TRIM44: variants seen among roughly 807,000 people sequenced by gnomAD.
The protein encoded by TRIM44 is tripartite motif containing 44, also known as tripartite motif-containing protein 44.
Under a neutral mutation model 37.4 loss-of-function variants are expected in TRIM44, and 13 were observed. That is an observed-to-expected ratio of 0.35 (90% confidence interval 0.23 to 0.55). The LOEUF is 0.55. Ranked by LOEUF, TRIM44 falls within the 20% of genes least tolerant of loss-of-function variation. TRIM44 has a pLI of 0.89. For missense variants in TRIM44, 426 were observed against 437.2 expected (o/e 0.97, Z 0.23); for synonymous variants, 175 against 157.2 (o/e 1.11, Z -0.85).
intron 4 of TRIM44, among the ~76,000 whole-genome samples, chr11:35,806,043 A>G (rs975353374): frequency 2.6e-5 from 4 of 152,194 alleles, no homozygotes; most frequent in Non-Finnish European, 5.9e-5. Context: ...TAAAAGAATT[A>G]TGACTCTCAC....
rs1324012176 is a variant in TRIM44 at position 35,807,937 on chromosome 11, T to TTTCC, written c.*1554_*1557dup. The stretch of plus-strand genomic sequence containing the variant: ...GGAGCCTGCACTGGGGGAAATCCCT[T>TTTCC]TTCCTGCCTGCCTGTCTGCCTGTGA... On this transcript the variant is annotated 3_prime_UTR_variant, in exon 5 of 5. Transcript: ENST00000299413. 14 of 152,196 alleles carry TTTCC rather than the reference T, an allele frequency of 9.2e-5. No individual in the cohort carries two copies. The highest frequency in any genetic ancestry group is 3.9e-4 in the Admixed American group (6 of 15,276). 9.4% of individuals were successfully genotyped at this position (152,196 alleles called of 1,614,324 possible).
chr11:35,663,976 C>A (rs766020792), intron 1 of TRIM44, among the ~76,000 whole-genome samples, 196 bp downstream of exon 1: 1 of 152,014 alleles, frequency 6.6e-6, no homozygotes, highest in Non-Finnish European at 1.5e-5. Context: ...GGACTCTGAC[C>A]TGAGAAAATA....
chr11:35,682,594 C>T (rs944457803), intron 1 of TRIM44, among the ~76,000 whole-genome samples: 2 of 152,152 alleles, frequency 1.3e-5, no homozygotes, highest in Non-Finnish European at 2.9e-5. Context: ...CATCATAGAG[C>T]CCAGTTAATC....
chr11:35,663,723 T>A lies in TRIM44; in HGVS notation c.612T>A (p.Ile204=), dbSNP rs756646898. Reference sequence around the variant, plus strand: ...TCATCTGTGTCCTGTGTCCAGTCATTGGGGCTCACCAGGGCCACCAACTCT... The same window carrying A: ...TCATCTGTGTCCTGTGTCCAGTCATAGGGGCTCACCAGGGCCACCAACTCT... ...RQLICVLCPV[I]GAHQGHQLST... Residue 204 remains isoleucine, a synonymous_variant, in exon 1 of 5, where the codon ATT becomes ATA. Coordinates refer to ENST00000299413, the MANE Select transcript of TRIM44 (RefSeq NM_017583.6). 1.2e-6 allele frequency: 2 copies of A among 1,613,998 alleles called. No homozygotes were observed. The highest frequency in any genetic ancestry group is 2.2e-5 in the East Asian group (1 of 44,874).
rs1277990270 is a variant in TRIM44, at chr11:35,809,513, T to G, written c.*3128T>G. 9 of 152,186 alleles carry G rather than the reference T, an allele frequency of 5.9e-5. No individual in the cohort carries two copies. 9.4% of individuals were successfully genotyped at this position (152,186 alleles called of 1,614,324 possible). ...TTTAGCAGATGCTTTAAGTACACATTGCTGACTTGAGCCCACCCCCAGGAG... is the reference window on the plus strand; with the variant it reads ...TTTAGCAGATGCTTTAAGTACACATGGCTGACTTGAGCCCACCCCCAGGAG... On this transcript the variant is annotated 3_prime_UTR_variant, in exon 5 of 5. Transcript: ENST00000299413.
At chr11:35,700,883 T>C (rs1481158653) in intron 2 of TRIM44, among the ~76,000 whole-genome samples, 3 of 152,240 alleles carry the variant, frequency 2.0e-5, no homozygotes, top group Non-Finnish European at 4.4e-5. Flanking sequence ...TTTTTATTTT[T>C]CTGACAAAAT....
chr11:35,784,222 C>G (rs1301611086), intron 4 of TRIM44, among the ~76,000 whole-genome samples: 1 of 152,152 alleles, frequency 6.6e-6, no homozygotes, highest in Non-Finnish European at 1.5e-5. Context: ...CCAGAATGCT[C>G]CAGACATTCA....
intron 4 of TRIM44, among the ~76,000 whole-genome samples, chr11:35,771,691 C>G (rs886483067): frequency 1.3e-5 from 2 of 150,174 alleles, no homozygotes; most frequent in African/African-American, 2.5e-5. Flanking sequence ...TGCCACTGCT[C>G]TCCAGCCAGG....
intron 2 of TRIM44, among the ~76,000 whole-genome samples, chr11:35,709,209 A>G (rs930859725): frequency 2.0e-5 from 3 of 152,172 alleles, no homozygotes; most frequent in African/African-American, 7.2e-5. Flanking sequence ...TATTCAGAAC[A>G]TTCTACTGTA....
chr11:35,758,351 A>G (rs1049519462), intron 4 of TRIM44, among the ~76,000 whole-genome samples: 1 of 152,048 alleles, frequency 6.6e-6, no homozygotes, highest in South Asian at 2.1e-4. Context: ...CCATTTGCTT[A>G]GTAGATCTTC....
At chr11:35,746,427 G>A (rs1024997446) in intron 4 of TRIM44, among the ~76,000 whole-genome samples, 3 of 147,006 alleles carry the variant, frequency 2.0e-5, no homozygotes, top group Non-Finnish European at 4.5e-5. Flanking sequence ...TATTTTCCCA[G>A]CAGCTTCCGG....
intron 4 of TRIM44, among the ~76,000 whole-genome samples, chr11:35,744,194 C>G (rs1048963913): frequency 6.6e-6 from 1 of 151,952 alleles, no homozygotes; most frequent in African/African-American, 2.4e-5. Context: ...ATTAGAGTAG[C>G]CAGATAAAAT....
intron 4 of TRIM44, among the ~76,000 whole-genome samples, chr11:35,742,686 TTA>T (rs957046378): frequency 7.4e-6 from 1 of 135,836 alleles, no homozygotes; most frequent in African/African-American, 2.8e-5. Flanking sequence ...TTATATATAA[TTA>T]TATTAAATAT....
At chr11:35,707,862 C>G (rs1156856146) in intron 2 of TRIM44, among the ~76,000 whole-genome samples, 4 of 135,712 alleles carry the variant, frequency 2.9e-5, no homozygotes, top group African/African-American at 1.1e-4. Flanking sequence ...AAGGACTTCA[C>G]GTCTAAAACA....
rs2098280908 is a variant in TRIM44 at position 35,813,015 on chromosome 11, A to G, written c.*6630A>G. On this transcript the variant is annotated 3_prime_UTR_variant, in exon 5 of 5. Transcript: ENST00000299413. ...CTGACACTGAGTCTGTGATTTAATT[A>G]AACATGTTGAAGGCTCTCCAACAGC... 6.6e-6 allele frequency: 1 copy of G among 152,208 alleles called. No individual in the cohort carries two copies. Among genetic ancestry groups the G allele is most frequent in the Non-Finnish European group, 1.5e-5 (1 of 68,036 alleles). The allele number at this position is 152,208 out of a possible 1,614,324, so 9.4% of individuals were successfully genotyped here.
chr11:35,747,212 A>G (rs1170455479), intron 4 of TRIM44, among the ~76,000 whole-genome samples: 1 of 152,218 alleles, frequency 6.6e-6, no homozygotes, highest in Non-Finnish European at 1.5e-5. Context: ...ACCTTTCAGG[A>G]TTGTCCAGGG....
At chr11:35,715,957 A>G (rs1219356745) in intron 2 of TRIM44, among the ~76,000 whole-genome samples, 1 of 152,120 alleles carries the variant, frequency 6.6e-6, no homozygotes, top group Non-Finnish European at 1.5e-5. Flanking sequence ...TGAGAACTCC[A>G]CCCTTATGAT....
intron 3 of TRIM44, among the ~76,000 whole-genome samples, chr11:35,726,868 A>AG (rs1473142418): frequency 6.6e-6 from 1 of 152,020 alleles, no homozygotes; most frequent in Non-Finnish European, 1.5e-5. Flanking sequence ...CATTAAAAAA[A>AG]AAAAGTACAA....
At chr11:35,785,661 A>G (rs934838086) in intron 4 of TRIM44, among the ~76,000 whole-genome samples, 2 of 152,260 alleles carry the variant, frequency 1.3e-5, no homozygotes, top group Non-Finnish European at 2.9e-5. Flanking sequence ...TTAAGCTGGC[A>G]GGCAAGCCTG....
Sources: allele counts gnomAD v4.1 joint callset (sites outside exome capture counted in the v4.1 genomes callset), GRCh38; gene constraint gnomAD v4.1.1; transcripts MANE v1.5; gene names NCBI Gene and HGNC (gene_info 2026-07-23, HGNC 2026-07-21).